SYBU: variants seen among roughly 807,000 people sequenced by gnomAD.
SYBU encodes the protein GOLSYN A protein.
In SYBU, 21 loss-of-function variants were observed where a neutral mutation model predicts 35.9. The ratio of observed to expected loss-of-function variants is 0.58; its 90% CI spans 0.41 to 0.84. SYBU has a LOEUF of 0.84. Ranked by LOEUF, SYBU falls within the 40% of genes least tolerant of loss-of-function variation. The probability of loss-of-function intolerance (pLI) is 0.00; values close to 1 mark genes in which losing one functional copy is unlikely to be tolerated. For missense variants in SYBU, 768 were observed against 848.2 expected (o/e 0.91, Z 1.17); for synonymous variants, 319 against 324.3 (o/e 0.98, Z 0.18).
rs985244761 is a variant in SYBU, at chr8:109,644,791, GCGC to G, written c.-135_-133del. 18 of 907,328 alleles carry G rather than the reference GCGC, an allele frequency of 2.0e-5. No individual in the cohort carries two copies. The highest frequency in any genetic ancestry group is 5.3e-5 in the African/African-American group (3 of 56,116). The allele number at this position is 907,328 out of a possible 1,614,324, so 56.2% of individuals were successfully genotyped here. On this transcript the variant is annotated 5_prime_UTR_variant, in exon 1 of 7. Transcript: ENST00000276646. ...CGGCGGCTCTTGGTGAGGCTCCAAC[GCGC>G]CGCCGCCGCCACTGCCGCCGATTGC...
rs532600559 is a variant in SYBU at position 109,691,162 on chromosome 8, A to G, written c.-58+171T>C. ...GAGTGCCCTTGATTCCCCATTTTCCACGACCTTCTTCTGTGCATCGCCGAG... is the reference window on the plus strand; with the variant it reads ...GAGTGCCCTTGATTCCCCATTTTCCGCGACCTTCTTCTGTGCATCGCCGAG... On this transcript the variant is annotated intron_variant, in intron 1 of 7. Coordinates refer to the SYBU transcript ENST00000422135. This position sits in a 1 kb window ranked among gnomAD's most constrained non-coding sequence, Gnocchi z 4.7. 6.6e-6 allele frequency among the ~76,000 whole-genome samples: 1 copy of G among 152,146 alleles called. No homozygotes were observed. Among genetic ancestry groups the G allele is most frequent in the East Asian group, 1.9e-4 (1 of 5,154 alleles).
rs762677533 is a variant in SYBU, at chr8:109,575,875, G to C, written c.1023C>G (p.Ile341Met). 1.9e-6 allele frequency: 3 copies of C among 1,613,720 alleles called. No individual in the cohort carries two copies. The highest frequency in any genetic ancestry group is 2.5e-6 in the Non-Finnish European group (3 of 1,179,968). The part of the protein sequence containing the change: ...RKEIKQLKQV[I>M]ETMRSSLADK... The stretch of plus-strand genomic sequence containing the variant: ...CAGCCAAGCTGCTCCGCATGGTTTC[G>C]ATGACCTGTTTGAGCTGTTTAATCT... Residue 341 changes from isoleucine (I) to methionine (M), a missense_variant, in exon 7 of 7, where the codon ATC becomes ATG. Coordinates refer to ENST00000276646, the MANE Select transcript of SYBU (RefSeq NM_001099754.2).
At chr8:109,687,725 C>A (rs1467419585) in intron 1 of SYBU, among the ~76,000 whole-genome samples, 2 of 151,960 alleles carry the variant, frequency 1.3e-5, no homozygotes, top group African/African-American at 4.8e-5. Context: ...TTAGAACTGG[C>A]AAAGCATATG....
At chr8:109,682,740 C>T (rs551976377), upstream of SYBU, among the ~76,000 whole-genome samples, 149 of 152,316 alleles carry the variant, frequency 9.8e-4, 1 homozygote, top group Admixed American at 4.6e-3. Flanking sequence ...CAGGGCATAT[C>T]AAAGATCTTT....
intron 1 of SYBU, among the ~76,000 whole-genome samples, chr8:109,674,762 G>A (rs1586990900): frequency 1.3e-5 from 2 of 152,172 alleles, no homozygotes; most frequent in East Asian, 3.9e-4. Context: ...CGGATATTCA[G>A]GACTTGAACT....
intron 1 of SYBU, among the ~76,000 whole-genome samples, chr8:109,669,440 T>G (rs1041869214): frequency 1.3e-5 from 2 of 151,656 alleles, no homozygotes; most frequent in African/African-American, 4.8e-5. Context: ...CTGAATAGAT[T>G]ACATGTATGA....
chr8:109,666,127 CA>C (rs2130750971), intron 1 of SYBU, among the ~76,000 whole-genome samples: 1 of 152,328 alleles, frequency 6.6e-6, no homozygotes, highest in East Asian at 1.9e-4. Context: ...TGGAAGAGAA[CA>C]CCATGGCAAC....
At chr8:109,649,590 G>A (rs1415291421), upstream of SYBU, among the ~76,000 whole-genome samples, 1 of 152,114 alleles carries the variant, frequency 6.6e-6, no homozygotes, top group African/African-American at 2.4e-5. Context: ...AGAGGTTGGG[G>A]GCTTGGAACG....
At chr8:109,632,550 A>G (rs971243613) in intron 2 of SYBU, among the ~76,000 whole-genome samples, 7 of 152,222 alleles carry the variant, frequency 4.6e-5, no homozygotes, top group African/African-American at 1.7e-4. Context: ...AGCAATGTTC[A>G]TCATACTGTT....
chr8:109,576,530 A>G (rs1822338234), intron 6 of SYBU, among the ~76,000 whole-genome samples: 1 of 152,240 alleles, frequency 6.6e-6, no homozygotes, highest in African/African-American at 2.4e-5. Flanking sequence ...TACCTAAGAC[A>G]GAAGGTAGAC....
At chr8:109,655,578 T>G (rs1350854983) in intron 1 of SYBU, among the ~76,000 whole-genome samples, 1 of 152,220 alleles carries the variant, frequency 6.6e-6, no homozygotes, top group African/African-American at 2.4e-5. Flanking sequence ...GTGGACTCAT[T>G]TCTCTTGAGT....
chr8:109,642,881 G>A lies in SYBU; in HGVS notation c.76C>T (p.Pro26Ser). The A allele has an allele frequency of 6.3e-7, 1 of 1,592,774 alleles. No individual in the cohort carries two copies. Among genetic ancestry groups the A allele is most frequent in the South Asian group, 1.1e-5 (1 of 88,268 alleles). ...HDKEISRSRI[P>S]RLILRPHMPQ... ...ATATGGGGCCGAAGAATCAACCGGG[G>A]AATTCGGCTTCGAGAAATCTCCTTG... The change falls in exon 2 of 7, where the codon CCC becomes TCC. Residue 26 changes from proline (P) to serine (S), a missense_variant. Pro to Ser is a moderately conservative substitution (Grantham distance 74, BLOSUM62 -1). Transcript: ENST00000276646.
intron 1 of SYBU, among the ~76,000 whole-genome samples, chr8:109,671,364 G>A (rs1816974763): frequency 1.3e-5 from 2 of 151,972 alleles, no homozygotes; most frequent in Admixed American, 1.3e-4. Flanking sequence ...TACACACATG[G>A]GGCATTTTCT....
chr8:109,621,913 A>C (rs1812441803), intron 2 of SYBU, among the ~76,000 whole-genome samples: 1 of 152,168 alleles, frequency 6.6e-6, no homozygotes, highest in African/African-American at 2.4e-5. Flanking sequence ...ACAGAGCTTC[A>C]TGTGCTAGGG....
intron 2 of SYBU, among the ~76,000 whole-genome samples, chr8:109,619,607 T>C (rs1812209132): frequency 6.6e-6 from 1 of 152,244 alleles, no homozygotes; most frequent in Admixed American, 6.5e-5. Flanking sequence ...CAACACTTTA[T>C]ATAGTGTATT....
In SYBU at chr8:109,644,546, T is replaced by C. The variant is rs558592879; in HGVS notation, c.24+90A>G. 8.4e-4 allele frequency: 1,195 copies of C among 1,428,318 alleles called. 23 individuals carry two copies. In the South Asian group the frequency reaches 0.014, roughly 17 times the overall value. The allele number at this position is 1,428,318 out of a possible 1,614,324, so 88.5% of individuals were successfully genotyped here. On this transcript the variant is annotated intron_variant, in intron 1 of 6. Transcript: ENST00000276646. Reference sequence around the variant, plus strand: ...TCCACCTTTCCCCAGACTCTAAATGTCACCCCTCCAGCTCTCATCCCGCCG... The same window carrying C: ...TCCACCTTTCCCCAGACTCTAAATGCCACCCCTCCAGCTCTCATCCCGCCG...
chr8:109,651,672 G>T (rs4313130), intron 1 of SYBU, among the ~76,000 whole-genome samples: 9,033 of 151,970 alleles, frequency 0.059, 800 homozygotes, highest in African/African-American at 0.19. Context: ...ACAGTTATAG[G>T]GATTAGATAA....
At chr8:109,587,008 G>T (rs1049697842) in intron 3 of SYBU, among the ~76,000 whole-genome samples, 8 of 152,162 alleles carry the variant, frequency 5.3e-5, no homozygotes, top group Non-Finnish European at 7.3e-5. Context: ...ACTGCCTGGG[G>T]AAGTAAGGGG....
At chr8:109,599,540 C>T (rs1031808196) in intron 3 of SYBU, among the ~76,000 whole-genome samples, 1 of 152,184 alleles carries the variant, frequency 6.6e-6, no homozygotes, top group Non-Finnish European at 1.5e-5. Context: ...GAAATCACTA[C>T]AACAAATGCT....
Sources: gnomAD v4.1 joint callset for allele counts (sites outside exome capture counted in the v4.1 genomes callset) on GRCh38, gnomAD v4.1.1 for gene constraint, Gnocchi (gnomAD v3.1) non-coding constraint, MANE v1.5 for transcripts, NCBI Gene and HGNC (gene_info 2026-07-23, HGNC 2026-07-21) for gene names.